Variants in ACKR3 observed in about 807,000 individuals in gnomAD.
ACKR3 encodes the protein atypical chemokine receptor 3.
Under a neutral mutation model 22.4 loss-of-function variants are expected in ACKR3, and 6 were observed. The observed-to-expected ratio is 0.27, with a 90% CI of 0.15 to 0.53. The LOEUF is 0.53. Among genes scored for constraint, ACKR3 ranks in the 20% least tolerant of loss-of-function variants. The pLI is 0.96. For synonymous variants in ACKR3, 209 were observed against 205.2 expected, an observed-to-expected ratio of 1.02 and a Z score of -0.16; for missense variants, 396 against 475.2, an observed-to-expected ratio of 0.83 and a Z score of 1.55.
chr2:236,559,524 T>G, the ACKR3 span, among the ~76,000 whole-genome samples: 2 of 152,230 alleles, frequency 1.3e-5, no homozygotes, highest in Non-Finnish European at 2.9e-5. Flanking sequence ...ACAAACAATA[T>G]GTGCTTTGCT....
chr2:236,566,718 C>CCCTTCCCTTCCTTCCTTCCTTCCTT, upstream of ACKR3, among the ~76,000 whole-genome samples: 1 of 114,568 alleles, frequency 8.7e-6, no homozygotes, highest in African/African-American at 4.1e-5. Context: ...TCCTTTCCTT[C>CCCTTCCCTTCCTTCCTTCCTTCCTT]CCTTCCTTCC....
the ACKR3 span, among the ~76,000 whole-genome samples, chr2:236,555,545 G>A: frequency 1.3e-5 from 2 of 152,150 alleles, no homozygotes; most frequent in African/African-American, 4.8e-5. Context: ...AAACTAAGAA[G>A]AAATGAGCCC....
intron 1 of ACKR3, among the ~76,000 whole-genome samples, chr2:236,571,457 A>G (rs1490721063): frequency 6.6e-6 from 1 of 152,150 alleles, no homozygotes; most frequent in African/African-American, 2.4e-5. Flanking sequence ...CGTAGTTTTA[A>G]AAAAGTTCCA....
the ACKR3 span, among the ~76,000 whole-genome samples, chr2:236,538,006 G>C: frequency 3.3e-5 from 5 of 152,056 alleles, no homozygotes; most frequent in African/African-American, 7.2e-5. Flanking sequence ...TTGGAAGTAG[G>C]TATTCCAAAA....
intron 1 of ACKR3, among the ~76,000 whole-genome samples, chr2:236,576,855 A>G (rs1418414239): frequency 6.6e-6 from 1 of 152,242 alleles, no homozygotes; most frequent in Non-Finnish European, 1.5e-5. Context: ...ACAAAAGGGT[A>G]AGCTATAGTA....
Position 236,577,666 on chromosome 2 carries a change from G to A in ACKR3, c.-26-2774G>A, listed in dbSNP as rs145271509. ...CGGCATCTGACATGTCTCTACACTG[G>A]AGGGCAAGTAAGACCTGAGCCAGAG... On this transcript the variant is annotated intron_variant, in intron 1 of 1. Coordinates refer to ENST00000272928, the MANE Select transcript of ACKR3 (RefSeq NM_020311.3). This position sits in a 1 kb window ranked among gnomAD's most constrained non-coding sequence, Gnocchi z 5.6. Among the ~76,000 whole-genome samples, 4 of 152,234 alleles carry A rather than the reference G, an allele frequency of 2.6e-5. No individual in the cohort carries two copies. The East Asian group carries it at 7.8e-4, about 30-fold the overall frequency.
chr2:236,575,607 CTG>C lies in ACKR3; in HGVS notation c.-26-4819_-26-4818del, dbSNP rs1161415119. Among the ~76,000 whole-genome samples, 23 of 41,762 alleles carry C rather than the reference CTG, an allele frequency of 5.5e-4. 1 individual carries two copies. The highest frequency in any genetic ancestry group is 3.4e-3 in the Admixed American group (15 of 4,408). 27.4% of individuals were successfully genotyped at this position (41,762 alleles called of 152,430 possible). The stretch of plus-strand genomic sequence containing the variant: ...GTGTGCGTGTGTCTGGGGTTGTGCT[CTG>C]TGTGTGTGTGTGTCTGGGGTTGTGC... On this transcript the variant is annotated intron_variant, in intron 1 of 1. Transcript: ENST00000272928.
the ACKR3 span, among the ~76,000 whole-genome samples, chr2:236,547,863 T>C: frequency 2.1e-4 from 32 of 151,984 alleles, no homozygotes; most frequent in South Asian, 6.0e-3. Context: ...ACAGCGTATC[T>C]GGGTGCTAGC....
At chr2:236,571,642 A>AC (rs878986876) in intron 1 of ACKR3, among the ~76,000 whole-genome samples, 34 of 142,806 alleles carry the variant, frequency 2.4e-4, no homozygotes, top group African/African-American at 8.6e-4. Context: ...AAAAAAAAAA[A>AC]CCCAAAACAA....
chr2:236,547,040 T>C, the ACKR3 span, among the ~76,000 whole-genome samples: 1 of 152,086 alleles, frequency 6.6e-6, no homozygotes, highest in Non-Finnish European at 1.5e-5. Flanking sequence ...AGTCAGAGAG[T>C]TGGAGGTTGG....
At position 236,574,473 on chromosome 2, in the gene ACKR3, A is replaced by T. The variant is rs1574974576; in HGVS notation, c.-27+4549A>T. 6.6e-6 allele frequency among the ~76,000 whole-genome samples: 1 copy of T among 152,122 alleles called. No homozygotes were observed. The highest frequency in any genetic ancestry group is 2.4e-5 in the African/African-American group (1 of 41,430). On this transcript the variant is annotated intron_variant, in intron 1 of 1. Coordinates refer to ENST00000272928, the MANE Select transcript of ACKR3 (RefSeq NM_020311.3). The surrounding 1 kb of genome is among the most constrained non-coding windows in gnomAD (Gnocchi z 5.6). ...GAATAGAGATGTGCAGTGTGGGGCC[A>T]GGAGAAGGTGGGAGAATCAGAAGGG... is the stretch of plus-strand genomic sequence containing the variant.
upstream of ACKR3, among the ~76,000 whole-genome samples, chr2:236,565,294 A>G (rs1312658304): frequency 6.6e-6 from 1 of 152,200 alleles, no homozygotes; most frequent in Non-Finnish European, 1.5e-5. Context: ...GGTGTTGAAG[A>G]GGTTAAAATA....
upstream of ACKR3, among the ~76,000 whole-genome samples, chr2:236,563,627 G>A (rs753516330): frequency 1.3e-5 from 2 of 152,188 alleles, no homozygotes; most frequent in Non-Finnish European, 2.9e-5. Context: ...AAGCAGAGTG[G>A]TCTGAGGATT....
the ACKR3 span, among the ~76,000 whole-genome samples, chr2:236,549,374 T>C: frequency 2.0e-5 from 3 of 152,274 alleles, no homozygotes; most frequent in East Asian, 5.8e-4. The surrounding 1 kb of genome is among the most constrained non-coding windows in gnomAD (Gnocchi z 5.3). Context: ...CAGTTCCCTG[T>C]CCCTGCCAGC....
chr2:236,548,025 C>T, the ACKR3 span, among the ~76,000 whole-genome samples: 1 of 152,150 alleles, frequency 6.6e-6, no homozygotes, highest in Non-Finnish European at 1.5e-5. This position sits in a 1 kb window ranked among gnomAD's most constrained non-coding sequence, Gnocchi z 4.3. Flanking sequence ...TGCAATTAGA[C>T]ATATCTTCCA....
the ACKR3 span, among the ~76,000 whole-genome samples, chr2:236,537,547 T>C: frequency 1.3e-5 from 2 of 152,216 alleles, no homozygotes; most frequent in African/African-American, 4.8e-5. Flanking sequence ...CAGTTCTCCA[T>C]TGGGCCACCC....
chr2:236,545,598 G>A, the ACKR3 span, among the ~76,000 whole-genome samples: 9 of 152,316 alleles, frequency 5.9e-5, no homozygotes, highest in East Asian at 1.5e-3. The surrounding 1 kb of genome is among the most constrained non-coding windows in gnomAD (Gnocchi z 5.3). Context: ...AAGAATGAGT[G>A]TATCAAATCG....
chr2:236,557,320 G>C, the ACKR3 span, among the ~76,000 whole-genome samples: 1 of 151,902 alleles, frequency 6.6e-6, no homozygotes, highest in East Asian at 1.9e-4. Flanking sequence ...CACTGAGAGA[G>C]CCTGGAAGTT....
chr2:236,570,010 T>C (rs1486869922), intron 1 of ACKR3, 86 bp downstream of exon 1: 1 of 152,216 alleles, frequency 6.6e-6, no homozygotes, highest in African/African-American at 2.4e-5. Context: ...TTCAAAGGCC[T>C]TCTTTAAAAT....
Sources: gnomAD v4.1 joint callset for allele counts (sites outside exome capture counted in the v4.1 genomes callset) on GRCh38, gnomAD v4.1.1 for gene constraint, Gnocchi (gnomAD v3.1) non-coding constraint, MANE v1.5 for transcripts, NCBI Gene and HGNC (gene_info 2026-07-23, HGNC 2026-07-21) for gene names.